Variants in MYO3B observed in about 807,000 individuals in gnomAD.
The protein encoded by MYO3B is myosin IIIB.
In MYO3B, 156 loss-of-function variants were observed where a neutral mutation model predicts 174.6. The observed-to-expected ratio is 0.89, with a 90% CI of 0.78 to 1.02. The LOEUF is 1.02. Ranked by LOEUF, MYO3B falls within the 50% of genes least tolerant of loss-of-function variation. MYO3B has a pLI of 0.00. For synonymous variants in MYO3B, 563 were observed against 569.1 expected, an observed-to-expected ratio of 0.99 and a Z score of 0.15; for missense variants, 1,632 against 1,639.4, an observed-to-expected ratio of 1.00 and a Z score of 0.08.
chr2:170,466,147 CA>C (rs1401812731), intron 24 of MYO3B, among the ~76,000 whole-genome samples: 1 of 152,196 alleles, frequency 6.6e-6, no homozygotes, highest in Non-Finnish European at 1.5e-5. Context: ...GCCCCTTCCT[CA>C]AAAGCTGGAC....
chr2:170,402,773 TG>T lies in MYO3B; in HGVS notation c.2130-72del. 5.0e-6 allele frequency: 7 copies of T among 1,396,002 alleles called. No individual in the cohort carries two copies. The South Asian group carries it at 1.1e-4, about 22-fold the overall frequency. The allele number at this position is 1,396,002 out of a possible 1,614,324, so 86.5% of individuals were successfully genotyped here. A position where few individuals can be genotyped will look rare whatever the true frequency, so the allele number is the denominator to read the frequency against. The stretch of plus-strand genomic sequence containing the variant: ...TTGGGTACTTGAGCTGATAAGCACT[TG>T]GGCACATATATTCTCATCCTCTTTA... On this transcript the variant is annotated intron_variant, in intron 18 of 34. Coordinates refer to ENST00000408978, the MANE Select transcript of MYO3B (RefSeq NM_138995.5).
chr2:170,184,875 A>T (rs940569160), intron 1 of MYO3B, among the ~76,000 whole-genome samples: 2 of 152,116 alleles, frequency 1.3e-5, no homozygotes, highest in African/African-American at 4.8e-5. Context: ...TTTTGGTTAA[A>T]AGCCATTTTA....
At chr2:170,445,387 G>T (rs1174236799) in intron 23 of MYO3B, among the ~76,000 whole-genome samples, 2 of 151,974 alleles carry the variant, frequency 1.3e-5, no homozygotes, top group African/African-American at 2.4e-5. Context: ...TGTTGCCCAG[G>T]CTGGAGTGCA....
chr2:170,188,089 A>C (rs972209276), intron 1 of MYO3B, among the ~76,000 whole-genome samples: 8 of 152,114 alleles, frequency 5.3e-5, no homozygotes, highest in African/African-American at 1.9e-4. Flanking sequence ...CTATTAATTT[A>C]TTGGAGCCTC....
At chr2:170,364,264 C>T (rs768525167) in intron 8 of MYO3B, among the ~76,000 whole-genome samples, 128 of 141,748 alleles carry the variant, frequency 9.0e-4, no homozygotes, top group Non-Finnish European at 1.7e-3. Context: ...AGCTTGGAAA[C>T]GTGGGCTCAA....
intron 32 of MYO3B, among the ~76,000 whole-genome samples, chr2:170,580,911 T>G (rs1319674163): frequency 6.6e-6 from 1 of 151,974 alleles, no homozygotes; most frequent in African/African-American, 2.4e-5. Flanking sequence ...TACAACACAA[T>G]ATTCTCTTTT....
intron 29 of MYO3B, 104 bp downstream of exon 29, chr2:170,515,126 C>T (rs1312430305): frequency 8.8e-6 from 8 of 907,702 alleles, no homozygotes; most frequent in Non-Finnish European, 1.3e-5. Context: ...ACCTTCTGTC[C>T]ACCACTCCTT....
At chr2:170,622,937 G>A (rs1696067696) in intron 32 of MYO3B, among the ~76,000 whole-genome samples, 1 of 152,174 alleles carries the variant, frequency 6.6e-6, no homozygotes, top group African/African-American at 2.4e-5. Flanking sequence ...ATTCCATGGT[G>A]TATATATGCC....
intron 25 of MYO3B, among the ~76,000 whole-genome samples, chr2:170,497,313 G>A (rs960071968): frequency 6.6e-6 from 1 of 152,202 alleles, no homozygotes; most frequent in Non-Finnish European, 1.5e-5. Context: ...CATCAAAGTT[G>A]GCATAGAAAT....
intron 16 of MYO3B, among the ~76,000 whole-genome samples, chr2:170,398,910 A>G (rs750417845): frequency 2.0e-4 from 30 of 152,082 alleles, no homozygotes; most frequent in African/African-American, 2.2e-4. Context: ...AAAAATATCT[A>G]TGTATAGGAG....
chr2:170,380,424 A>G (rs775390951), intron 9 of MYO3B, among the ~76,000 whole-genome samples: 7 of 152,256 alleles, frequency 4.6e-5, no homozygotes, highest in Non-Finnish European at 8.8e-5. Context: ...ATCAGTTATG[A>G]GTAATTCTAT....
chr2:170,237,467 C>T (rs1253477176), intron 7 of MYO3B, among the ~76,000 whole-genome samples: 1 of 145,874 alleles, frequency 6.9e-6, no homozygotes, highest in Non-Finnish European at 1.5e-5. Context: ...TATTTGTATA[C>T]AGACCAGGTG....
chr2:170,416,623 CT>C lies in MYO3B; in HGVS notation c.2650+8797del, dbSNP rs80194434. Reference sequence around the variant, plus strand: ...CACACCTAGAATAAAATCCAAACTCCTTTTTTTTTTTTTTTTTTGTACACAC... The same window carrying C: ...CACACCTAGAATAAAATCCAAACTCCTTTTTTTTTTTTTTTTTGTACACAC... On this transcript the variant is annotated intron_variant, in intron 22 of 34. Transcript: ENST00000408978. Among the ~76,000 whole-genome samples, 651 of 139,838 alleles carry C rather than the reference CT, an allele frequency of 4.7e-3. 7 individuals carry two copies. The highest frequency in any genetic ancestry group is 0.013 in the African/African-American group (494 of 37,952). 91.7% of individuals were successfully genotyped at this position (139,838 alleles called of 152,430 possible). A position where few individuals can be genotyped will look rare whatever the true frequency, so the allele number is the denominator to read the frequency against.
At chr2:170,530,541 A>C (rs559349405) in intron 30 of MYO3B, among the ~76,000 whole-genome samples, 1 of 152,344 alleles carries the variant, frequency 6.6e-6, no homozygotes, top group South Asian at 2.1e-4. Flanking sequence ...TCTGAGAACC[A>C]CATGGCCGCT....
intron 32 of MYO3B, among the ~76,000 whole-genome samples, chr2:170,621,717 G>A (rs1289950038): frequency 6.6e-6 from 1 of 151,702 alleles, no homozygotes; most frequent in Non-Finnish European, 1.5e-5. Flanking sequence ...TCGTCATGTT[G>A]GTCAGGCCGG....
Position 170,498,718 on chromosome 2 carries a change from A to G in MYO3B, c.3126+15A>G, listed in dbSNP as rs560199233. 1,627 of 1,458,988 alleles carry G rather than the reference A, an allele frequency of 1.1e-3. 32 individuals carry two copies. The South Asian group carries it at 0.017, about 15-fold the overall frequency. The allele number at this position is 1,458,988 out of a possible 1,614,324, so 90.4% of individuals were successfully genotyped here. A position where few individuals can be genotyped will look rare whatever the true frequency, so the allele number is the denominator to read the frequency against. On this transcript the variant is annotated intron_variant, in intron 26 of 34. Coordinates refer to ENST00000408978, the MANE Select transcript of MYO3B (RefSeq NM_138995.5). ...GAAAAACAAAGGTAGTTCGTTCTTTATTGTTCAAATTGTCCCGTATGATTT... is the reference window on the plus strand; with the variant it reads ...GAAAAACAAAGGTAGTTCGTTCTTTGTTGTTCAAATTGTCCCGTATGATTT...
At chr2:170,540,864 C>G (rs1354192350) in intron 30 of MYO3B, among the ~76,000 whole-genome samples, 4 of 152,082 alleles carry the variant, frequency 2.6e-5, no homozygotes, top group Non-Finnish European at 5.9e-5. Context: ...CAATTCTTTT[C>G]CTTTCTTGGA....
chr2:170,459,760 C>T (rs748271736), intron 23 of MYO3B, among the ~76,000 whole-genome samples: 5 of 152,104 alleles, frequency 3.3e-5, no homozygotes, highest in African/African-American at 1.2e-4. Flanking sequence ...TGGCGGGCTG[C>T]GGGTCCTGAG....
chr2:170,303,095 C>T (rs1473575328), intron 7 of MYO3B, among the ~76,000 whole-genome samples: 1 of 152,128 alleles, frequency 6.6e-6, no homozygotes, highest in Non-Finnish European at 1.5e-5. Context: ...TACAACAAAA[C>T]TACTTCATTC....
Sources: allele counts gnomAD v4.1 joint callset (sites outside exome capture counted in the v4.1 genomes callset), GRCh38; gene constraint gnomAD v4.1.1; transcripts MANE v1.5; gene names NCBI Gene and HGNC (gene_info 2026-07-23, HGNC 2026-07-21).